The following NLRC5 variants were observed in gnomAD, a reference collection of about 807,000 sequenced individuals.
NLRC5 encodes the protein NLR family CARD domain containing 5, also known as protein NLRC5.
Under a neutral mutation model 206.9 loss-of-function variants are expected in NLRC5, and 114 were observed. The ratio of observed to expected loss-of-function variants is 0.55; its 90% CI spans 0.47 to 0.64. NLRC5 has a LOEUF of 0.64. NLRC5 is among the 30% of genes least tolerant of loss of function. The pLI is 0.00. For synonymous variants in NLRC5, 952 were observed against 962.8 expected, an observed-to-expected ratio of 0.99 and a Z score of 0.21; for missense variants, 2,008 against 2,305.5, an observed-to-expected ratio of 0.87 and a Z score of 2.64.
At chr16:56,991,527 G>T (rs1053479087) in intron 1 of NLRC5, among the ~76,000 whole-genome samples, 2 of 150,698 alleles carry the variant, frequency 1.3e-5, no homozygotes, top group African/African-American at 4.9e-5. Context: ...GATTATAGGC[G>T]CCCGCCGCTA....
rs372322814 is a variant in NLRC5, at chr16:57,026,737, G to A, written c.1794G>A (p.Val598=). 6.2e-7 allele frequency: 1 copy of A among 1,613,916 alleles called. No individual in the cohort carries two copies. The highest frequency in any genetic ancestry group is 8.5e-7 in the Non-Finnish European group (1 of 1,179,930). Reference sequence around the variant, plus strand: ...CCAAGCAGGCTGCTGTAGTGCAGGTGTTGAAGAAGTTGGCCACCCGCAAGC... The same window carrying A: ...CCAAGCAGGCTGCTGTAGTGCAGGTATTGAAGAAGTTGGCCACCCGCAAGC... ...VGAKQAAVVQ[V]LKKLATRKLT... The change falls in exon 6 of 49, where the codon GTG becomes GTA. Residue 598 remains valine, a synonymous_variant. Transcript: ENST00000688547.
chr16:57,014,000 A>G (rs2059765493), intron 1 of NLRC5: 6 of 373,288 alleles, frequency 1.6e-5, no homozygotes, highest in South Asian at 1.4e-4. Flanking sequence ...ATAACACTGT[A>G]CCAGTTTCTT....
At chr16:57,082,275 C>T in intron 48 of NLRC5, 142 bp from the exon 49 acceptor site, 2 of 586,672 alleles carry the variant, frequency 3.4e-6, no homozygotes, top group Non-Finnish European at 5.9e-6. Context: ...CTCCCTAGGT[C>T]AGCTATGCTG....
intron 11 of NLRC5, among the ~76,000 whole-genome samples, chr16:57,032,399 C>T (rs2061982126): frequency 6.6e-6 from 1 of 151,942 alleles, no homozygotes; most frequent in Non-Finnish European, 1.5e-5. Flanking sequence ...CAAAAAATGA[C>T]CCACTAGGAC....
chr16:56,999,463 C>T (rs1463734099), intron 1 of NLRC5, among the ~76,000 whole-genome samples: 2 of 152,254 alleles, frequency 1.3e-5, no homozygotes, highest in African/African-American at 2.4e-5. Flanking sequence ...CTTTATGTCT[C>T]GAGCTTACTC....
intron 12 of NLRC5, 56 bp downstream of exon 12, chr16:57,033,725 G>T: frequency 6.6e-7 from 1 of 1,508,764 alleles, no homozygotes; most frequent in Non-Finnish European, 9.2e-7. Context: ...GGGAAAGTCC[G>T]AGGCAAGGGA....
chr16:57,028,581 C>T (rs2061482451), intron 8 of NLRC5, among the ~76,000 whole-genome samples, 196 bp downstream of exon 8: 1 of 152,212 alleles, frequency 6.6e-6, no homozygotes, highest in Non-Finnish European at 1.5e-5. Context: ...CAGAGCAAGG[C>T]TTCCTTCATC....
At chr16:57,021,914 G>A (rs2060719285) in intron 3 of NLRC5, among the ~76,000 whole-genome samples, 1 of 152,230 alleles carries the variant, frequency 6.6e-6, no homozygotes. Flanking sequence ...ATGCACATAT[G>A]TGCAGACATA....
intron 1 of NLRC5, among the ~76,000 whole-genome samples, chr16:56,995,920 T>C (rs558765418): frequency 6.6e-6 from 1 of 152,198 alleles, no homozygotes; most frequent in South Asian, 2.1e-4. Context: ...TTTTAGGAGG[T>C]ATGTGGAGAG....
intron 1 of NLRC5, among the ~76,000 whole-genome samples, chr16:56,999,250 C>T (rs2057982429): frequency 6.6e-6 from 1 of 152,224 alleles, no homozygotes; most frequent in Admixed American, 6.5e-5. Context: ...ATGTGAATTT[C>T]AGGGGAGCAC....
At chr16:57,028,450 C>G in intron 8 of NLRC5, 65 bp downstream of exon 8, 1 of 1,285,062 alleles carries the variant, frequency 7.8e-7, no homozygotes, top group Non-Finnish European at 1.1e-6. Context: ...CCCAGAGTCC[C>G]CCTGGGGCCT....
At chr16:56,990,943 A>C (rs1415569912) in intron 1 of NLRC5, 2 of 152,202 alleles carry the variant, frequency 1.3e-5, no homozygotes, top group Non-Finnish European at 2.9e-5. Context: ...GCACATTGCC[A>C]GGTGGACCTG....
rs1158487458 is a variant in NLRC5, at chr16:57,083,001, G to T, written c.*473G>T. 6.5e-6 allele frequency: 1 copy of T among 153,268 alleles called. No homozygotes were observed. Among genetic ancestry groups the T allele is most frequent in the Non-Finnish European group, 1.5e-5 (1 of 68,804 alleles). The allele number at this position is 153,268 out of a possible 1,614,324, so 9.5% of individuals were successfully genotyped here. A position where few individuals can be genotyped will look rare whatever the true frequency, so the allele number is the denominator to read the frequency against. On this transcript the variant is annotated 3_prime_UTR_variant, in exon 49 of 49. Coordinates refer to ENST00000688547, the MANE Select transcript of NLRC5 (RefSeq NM_001384950.1). ...GCCAGATGACCTCAGGCTGGCCCAAGATCTAATTTATTAATTTTTAAAGCA... is the reference window on the plus strand; with the variant it reads ...GCCAGATGACCTCAGGCTGGCCCAATATCTAATTTATTAATTTTTAAAGCA...
In NLRC5 at chr16:57,081,232, C is replaced by A. The variant is rs915295116; in HGVS notation, c.5405+51C>A. On this transcript the variant is annotated intron_variant, in intron 47 of 48. Transcript: ENST00000688547. ...GACGGGCTAAAGGGGGACCTACATCCCGGGAACACCAAGAGGCCACTGGGT... is the reference window on the plus strand; with the variant it reads ...GACGGGCTAAAGGGGGACCTACATCACGGGAACACCAAGAGGCCACTGGGT... 4 of 1,503,648 alleles carry A rather than the reference C, an allele frequency of 2.7e-6. No homozygotes were observed. In the African/African-American group the frequency reaches 5.5e-5, roughly 21 times the overall value. 93.1% of individuals were successfully genotyped at this position (1,503,648 alleles called of 1,614,324 possible). A position where few individuals can be genotyped will look rare whatever the true frequency, so the allele number is the denominator to read the frequency against.
intron 30 of NLRC5, among the ~76,000 whole-genome samples, chr16:57,060,313 A>C (rs184938427): frequency 3.9e-5 from 6 of 151,950 alleles, no homozygotes; most frequent in African/African-American, 1.4e-4. Context: ...TCTCCCTCAC[A>C]GTCTGATCCA....
At chr16:57,059,367 G>A (rs1309634670) in intron 29 of NLRC5, 100 bp from the exon 30 acceptor site, 3 of 1,522,474 alleles carry the variant, frequency 2.0e-6, no homozygotes, top group African/African-American at 1.4e-5. Context: ...GTCCTTGTGG[G>A]TGCAGCCCCG....
At chr16:57,042,960 G>A (rs575936405) in intron 19 of NLRC5, among the ~76,000 whole-genome samples, 1 of 152,266 alleles carries the variant, frequency 6.6e-6, no homozygotes, top group South Asian at 2.1e-4. Context: ...GAAGACTGGA[G>A]GTTTTAGTAT....
Position 57,022,539 on chromosome 16 carries a change from G to A in NLRC5, c.355+224G>A, listed in dbSNP as rs561112735. On this transcript the variant is annotated intron_variant, in intron 4 of 48. Coordinates refer to ENST00000688547, the MANE Select transcript of NLRC5 (RefSeq NM_001384950.1). ...GACTTTCAAGGCTTTAGCTTGTCCC[G>A]TTACCAATTCTAAAGGGTCTAACCT... is the stretch of plus-strand genomic sequence containing the variant. 1.5e-3 allele frequency among the ~76,000 whole-genome samples: 234 copies of A among 152,258 alleles called. 1 individual carries two copies. Among genetic ancestry groups the A allele is most frequent in the African/African-American group, 5.4e-3 (225 of 41,542 alleles).
At chr16:57,025,064 C>A (rs545432576) in intron 5 of NLRC5, among the ~76,000 whole-genome samples, 1 of 152,178 alleles carries the variant, frequency 6.6e-6, no homozygotes, top group South Asian at 2.1e-4. Flanking sequence ...CCCCTCCCCC[C>A]ATCTTACTGA....
Sources: allele counts gnomAD v4.1 joint callset (sites outside exome capture counted in the v4.1 genomes callset), GRCh38; gene constraint gnomAD v4.1.1; transcripts MANE v1.5; gene names NCBI Gene and HGNC (gene_info 2026-07-23, HGNC 2026-07-21).